SLIT3: variants seen among roughly 807,000 people sequenced by gnomAD.
SLIT3 encodes the protein slit guidance ligand 3, also known as slit homolog 3 protein.
SLIT3 carries 68 observed loss-of-function variants against 184.0 expected under a neutral mutation model. The observed-to-expected ratio is 0.37, with a 90% CI of 0.30 to 0.45. The LOEUF (loss-of-function observed/expected upper bound fraction) is 0.45. SLIT3 is among the 20% of genes least tolerant of loss of function. The pLI, the probability that SLIT3 is intolerant of heterozygous loss-of-function variation, is 1.00. For missense variants in SLIT3, 1,707 were observed against 2,026.0 expected (o/e 0.84, Z 3.02); for synonymous variants, 831 against 828.6 (o/e 1.00, Z -0.05).
intron 20 of SLIT3, among the ~76,000 whole-genome samples, chr5:168,746,284 GTGGTGGT>G (rs1222444804): frequency 6.9e-4 from 104 of 151,156 alleles, no homozygotes; most frequent in East Asian, 3.9e-4. Flanking sequence ...GATGTGTGGT[GTGGTGGT>G]ATGTGGGTGT....
intron 4 of SLIT3, among the ~76,000 whole-genome samples, chr5:169,161,191 G>A (rs1234913618): frequency 6.6e-6 from 1 of 152,146 alleles, no homozygotes; most frequent in Non-Finnish European, 1.5e-5. Context: ...GCATCCCAGC[G>A]GTGCCCCAGT....
At chr5:169,015,074 T>C (rs1756311180) in intron 4 of SLIT3, among the ~76,000 whole-genome samples, 2 of 150,300 alleles carry the variant, frequency 1.3e-5, no homozygotes, top group Admixed American at 6.7e-5. Flanking sequence ...TCCATCCATA[T>C]AAAATGAATT....
rs191923570 is a variant in SLIT3 at position 168,802,492 on chromosome 5, G to A, written c.935+3954C>T. On this transcript the variant is annotated intron_variant, in intron 9 of 35. Coordinates refer to ENST00000519560, the MANE Select transcript of SLIT3 (RefSeq NM_003062.4). Reference sequence around the variant, plus strand: ...GGCAAGCACAGCAAGAAAAGTCCTCGGCAATCCATCTGGTAGACCGTGGGT... The same window carrying A: ...GGCAAGCACAGCAAGAAAAGTCCTCAGCAATCCATCTGGTAGACCGTGGGT... Among the ~76,000 whole-genome samples, 284 of 152,226 alleles carry A rather than the reference G, an allele frequency of 1.9e-3. 4 individuals are homozygous for A. Among genetic ancestry groups the A allele is most frequent in the African/African-American group, 6.1e-3 (253 of 41,536 alleles).
At chr5:169,178,136 T>C (rs1034818943) in intron 4 of SLIT3, among the ~76,000 whole-genome samples, 4 of 152,198 alleles carry the variant, frequency 2.6e-5, no homozygotes, top group African/African-American at 9.6e-5. Flanking sequence ...TCAACATCCT[T>C]TTCTTAAAAA....
chr5:168,886,956 C>G (rs4616917), intron 4 of SLIT3, among the ~76,000 whole-genome samples: 2 of 151,894 alleles, frequency 1.3e-5, no homozygotes, highest in African/African-American at 4.8e-5. Context: ...ATCCCCCTTC[C>G]AGCCACCCTC....
At chr5:169,220,256 A>G (rs959172227) in intron 3 of SLIT3, among the ~76,000 whole-genome samples, 2 of 151,922 alleles carry the variant, frequency 1.3e-5, no homozygotes, top group African/African-American at 4.8e-5. Flanking sequence ...AGATACTAAA[A>G]TCAACTCACT....
chr5:168,806,574 C>T lies in SLIT3; in HGVS notation c.807G>A (p.Glu269=). ...TGGAGTTGGCATTGCAGGATGGGGGCTCCGAGTGGGGGGCTGTGGAGCCAA... is the reference window on the plus strand; with the variant it reads ...TGGAGTTGGCATTGCAGGATGGGGGTTCCGAGTGGGGGGCTGTGGAGCCAA... ...KEYVCPAPHS[E]PPSCNANSIS... The change falls in exon 9 of 36, where the codon GAG becomes GAA. Residue 269 remains glutamate (E), a synonymous_variant. Transcript: ENST00000519560. 6.2e-7 allele frequency: 1 copy of T among 1,614,110 alleles called. No individual in the cohort carries two copies.
At chr5:168,722,683 C>T (rs2113370858) in intron 22 of SLIT3, among the ~76,000 whole-genome samples, 1 of 152,280 alleles carries the variant, frequency 6.6e-6, no homozygotes, top group Non-Finnish European at 1.5e-5. Flanking sequence ...ATTCACAAAC[C>T]ACAAAAGGTA....
At chr5:168,880,207 C>T (rs963663763) in intron 5 of SLIT3, among the ~76,000 whole-genome samples, 22 of 152,190 alleles carry the variant, frequency 1.4e-4, no homozygotes, top group Admixed American at 1.4e-3. Flanking sequence ...CCGACCTTTC[C>T]TTCTGCCACC....
rs553866287 is a variant in SLIT3, at chr5:168,880,692, G to A, written c.485+2573C>T. Among the ~76,000 whole-genome samples, 17 of 152,282 alleles carry A rather than the reference G, an allele frequency of 1.1e-4. 2 individuals carry two copies. The highest frequency in any genetic ancestry group is 4.1e-4 in the African/African-American group (17 of 41,560). ...CCTCATTTTATACAGTGGAAACATA[G>A]GCTTAGAAGTGTCAAGTAATGTACT... is the stretch of plus-strand genomic sequence containing the variant. On this transcript the variant is annotated intron_variant, in intron 5 of 35. Transcript: ENST00000519560.
At chr5:169,293,443 G>A (rs1030939086) in intron 1 of SLIT3, among the ~76,000 whole-genome samples, 18 of 152,016 alleles carry the variant, frequency 1.2e-4, no homozygotes, top group African/African-American at 4.3e-4. Context: ...CAACGCTGAC[G>A]ATCTGTATTT....
At chr5:169,000,781 CT>C (rs1411713779) in intron 4 of SLIT3, among the ~76,000 whole-genome samples, 1 of 152,190 alleles carries the variant, frequency 6.6e-6, no homozygotes, top group Non-Finnish European at 1.5e-5. Context: ...CAGTAAGCAT[CT>C]GATAAATACT....
chr5:168,778,819 C>G (rs530103366), intron 12 of SLIT3, among the ~76,000 whole-genome samples: 2 of 152,186 alleles, frequency 1.3e-5, no homozygotes, highest in Non-Finnish European at 2.9e-5. Context: ...GACATCCCAG[C>G]CAAAGATCTC....
At chr5:168,921,986 A>C (rs1761650054) in intron 4 of SLIT3, among the ~76,000 whole-genome samples, 1 of 152,190 alleles carries the variant, frequency 6.6e-6, no homozygotes, top group African/African-American at 2.4e-5. Flanking sequence ...TCCTAAATGC[A>C]TTATGGGAAT....
intron 4 of SLIT3, among the ~76,000 whole-genome samples, chr5:169,184,720 C>T (rs558095971): frequency 6.6e-6 from 1 of 152,256 alleles, no homozygotes; most frequent in African/African-American, 2.4e-5. Flanking sequence ...TTTCTATATG[C>T]TAAGTTTGAA....
At chr5:168,960,273 G>A (rs1157011818) in intron 4 of SLIT3, among the ~76,000 whole-genome samples, 1 of 152,182 alleles carries the variant, frequency 6.6e-6, no homozygotes, top group Non-Finnish European at 1.5e-5. Flanking sequence ...ACATAGATGA[G>A]TGCATAGAAT....
At chr5:168,835,831 T>A (rs1340101609) in intron 6 of SLIT3, among the ~76,000 whole-genome samples, 2 of 151,454 alleles carry the variant, frequency 1.3e-5, no homozygotes, top group African/African-American at 2.4e-5. Flanking sequence ...AAAAATTTGT[T>A]TTTGTTTTTG....
At chr5:169,101,767 G>A (rs556912022) in intron 4 of SLIT3, among the ~76,000 whole-genome samples, 122 of 152,284 alleles carry the variant, frequency 8.0e-4, no homozygotes, top group African/African-American at 2.8e-3. Flanking sequence ...TTTGCAATAT[G>A]CTCTGGCTAC....
intron 4 of SLIT3, among the ~76,000 whole-genome samples, chr5:168,946,899 G>T (rs1244663826): frequency 6.6e-6 from 1 of 152,162 alleles, no homozygotes; most frequent in East Asian, 1.9e-4. Flanking sequence ...AGCTCCATCT[G>T]ATGATAGAGA....
Sources: gnomAD v4.1 joint callset for allele counts (sites outside exome capture counted in the v4.1 genomes callset) on GRCh38, gnomAD v4.1.1 for gene constraint, MANE v1.5 for transcripts, NCBI Gene and HGNC (gene_info 2026-07-23, HGNC 2026-07-21) for gene names.